Variants in TDP1 observed in about 807,000 individuals in gnomAD.
The protein encoded by TDP1 is tyrosyl-DNA phosphodiesterase 1.
TDP1 carries 64 observed loss-of-function variants against 81.5 expected under a neutral mutation model. The observed-to-expected ratio is 0.79, with a 90% CI of 0.64 to 0.97. TDP1 has a LOEUF of 0.97. TDP1 is among the 50% of genes least tolerant of loss of function. The pLI, the probability that TDP1 is intolerant of heterozygous loss-of-function variation, is 0.00. For synonymous variants in TDP1, 256 were observed against 264.3 expected (o/e 0.97, Z 0.30); for missense variants, 723 against 743.8 (o/e 0.97, Z 0.33).
At chr14:90,032,755 T>C (rs1269315701) in intron 15 of TDP1, 33 of 985,276 alleles carry the variant, frequency 3.3e-5, no homozygotes, top group Non-Finnish European at 4.0e-5. Context: ...TTTGAGGTAT[T>C]TTTATACAGT....
intron 5 of TDP1, 26 bp from the exon 6 acceptor site, chr14:89,971,149 A>G: frequency 6.3e-7 from 1 of 1,597,758 alleles, no homozygotes; most frequent in Non-Finnish European, 8.6e-7. Flanking sequence ...AATGATGTAT[A>G]TTAAATACTA....
At chr14:89,995,102 T>G (rs771353747) in intron 14 of TDP1, among the ~76,000 whole-genome samples, 1 of 152,264 alleles carries the variant, frequency 6.6e-6, no homozygotes, top group Non-Finnish European at 1.5e-5. Flanking sequence ...TTGTAAGAAT[T>G]TGAAATTTGT....
At chr14:90,013,396 A>T (rs1028719599) in intron 14 of TDP1, among the ~76,000 whole-genome samples, 4 of 152,038 alleles carry the variant, frequency 2.6e-5, no homozygotes, top group African/African-American at 9.7e-5. Context: ...TTTCCCAAGC[A>T]GTTCTCTTGA....
intron 14 of TDP1, among the ~76,000 whole-genome samples, chr14:90,012,706 C>T (rs1453715020): frequency 6.6e-6 from 1 of 152,034 alleles, no homozygotes; most frequent in African/African-American, 2.4e-5. Flanking sequence ...TACTGGGGCA[C>T]TGCCTAGTGG....
chr14:90,020,354 TCCTCCCTCCCTC>T (rs200030327), intron 15 of TDP1, among the ~76,000 whole-genome samples: 1 of 128,322 alleles, frequency 7.8e-6, no homozygotes, highest in Non-Finnish European at 1.5e-5. Flanking sequence ...CTTCCTCCCT[TCCTCCCTCCCTC>T]CCTCCCTCCC....
chr14:90,027,202 G>C (rs1255490416), intron 15 of TDP1, among the ~76,000 whole-genome samples: 2 of 152,008 alleles, frequency 1.3e-5, no homozygotes, highest in African/African-American at 2.4e-5. Flanking sequence ...CCATTTCTCT[G>C]ATGGCCAGTG....
intron 2 of TDP1, among the ~76,000 whole-genome samples, chr14:89,959,512 A>G (rs573065018): frequency 2.0e-5 from 3 of 152,322 alleles, no homozygotes; most frequent in Non-Finnish European, 2.9e-5. Flanking sequence ...AACAAGACAC[A>G]ATTTTATTAG....
At chr14:89,970,101 C>A (rs989863920) in intron 5 of TDP1, among the ~76,000 whole-genome samples, 1 of 151,860 alleles carries the variant, frequency 6.6e-6, no homozygotes, top group African/African-American at 2.4e-5. Flanking sequence ...TGGTCTCGAT[C>A]TCCTGACCTC....
In TDP1 at chr14:89,961,573, T is replaced by TA. The variant is rs535475534; in HGVS notation, c.-7-1534dup. On this transcript the variant is annotated intron_variant, in intron 2 of 16. Coordinates refer to ENST00000335725, the MANE Select transcript of TDP1 (RefSeq NM_018319.4). ...GTCACAGAATCTATTCTGCCAGTCT[T>TA]ACGATCTCTGGTCAGTTGTGTTTAA... 2.1e-3 allele frequency among the ~76,000 whole-genome samples: 318 copies of TA among 152,302 alleles called. 2 individuals carry two copies. The highest frequency in any genetic ancestry group is 7.2e-3 in the African/African-American group (300 of 41,564).
rs528694737 is a variant in TDP1, at chr14:89,975,232, C to T, written c.757-549C>T. Reference sequence around the variant, plus strand: ...CTGGGACTACAGGCGCTGGCCACCACGCCTGGCAAATTTTTTCATATTTTT... The same window carrying T: ...CTGGGACTACAGGCGCTGGCCACCATGCCTGGCAAATTTTTTCATATTTTT... On this transcript the variant is annotated intron_variant, in intron 6 of 16. Coordinates refer to ENST00000335725, the MANE Select transcript of TDP1 (RefSeq NM_018319.4). Among the ~76,000 whole-genome samples the T allele has an allele frequency of 9.3e-4, 142 of 152,254 alleles. 1 individual carries two copies. The highest frequency in any genetic ancestry group is 3.2e-3 in the African/African-American group (132 of 41,538).
At chr14:90,003,292 C>T (rs150565383) in intron 14 of TDP1, among the ~76,000 whole-genome samples, 39 of 152,272 alleles carry the variant, frequency 2.6e-4, no homozygotes, top group African/African-American at 8.2e-4. Context: ...GGACAAGTAC[C>T]GTCAGCCAGA....
rs561049077 is a variant in TDP1, at chr14:89,971,960, T to C, written c.756+689T>C. 3.9e-5 allele frequency among the ~76,000 whole-genome samples: 6 copies of C among 152,156 alleles called. No individual in the cohort carries two copies. The South Asian group carries it at 6.2e-4, about 16-fold the overall frequency. On this transcript the variant is annotated intron_variant, in intron 6 of 16. Coordinates refer to ENST00000335725, the MANE Select transcript of TDP1 (RefSeq NM_018319.4). ...CTAAGGTCTAAACAGGAGAGACCCATAGATTAAAAAACTGTTAGGAAACTA... is the reference window on the plus strand; with the variant it reads ...CTAAGGTCTAAACAGGAGAGACCCACAGATTAAAAAACTGTTAGGAAACTA...
Position 89,993,486 on chromosome 14 carries a change from A to G in TDP1, c.1541+3A>G. ...ATTGCTTGGTTCCTTGTCACAAGGT[A>G]AATAGTCCTTACATTCCTGATGGGA... On this transcript the variant is annotated splice_donor_region_variant and intron_variant, in intron 14 of 16. Transcript: ENST00000335725. 2 of 1,612,332 alleles carry G rather than the reference A, an allele frequency of 1.2e-6. No individual in the cohort carries two copies. The highest frequency in any genetic ancestry group is 2.2e-5 in the East Asian group (1 of 44,842).
chr14:89,963,955 T>C (rs1468710572), intron 3 of TDP1, among the ~76,000 whole-genome samples: 1 of 152,144 alleles, frequency 6.6e-6, no homozygotes, highest in Non-Finnish European at 1.5e-5. Context: ...GCTTGATGAG[T>C]AACAGTTTAT....
At chr14:89,964,132 C>T (rs1298733384) in intron 3 of TDP1, among the ~76,000 whole-genome samples, 1 of 152,112 alleles carries the variant, frequency 6.6e-6, no homozygotes, top group Admixed American at 6.5e-5. Context: ...TTTCACGAGC[C>T]CTTGAGGGGA....
At chr14:90,034,652 T>A (rs957812984) in intron 16 of TDP1, among the ~76,000 whole-genome samples, 22 of 152,128 alleles carry the variant, frequency 1.4e-4, no homozygotes, top group African/African-American at 5.1e-4. Flanking sequence ...AAATGGCAAA[T>A]TACATCACCA....
intron 7 of TDP1, chr14:89,980,094 G>C: frequency 1.1e-6 from 1 of 921,280 alleles, no homozygotes; most frequent in Non-Finnish European, 1.3e-6. Context: ...AAAATTTCAT[G>C]AACCAGTAAT....
At chr14:90,004,795 G>A (rs1897511173) in intron 14 of TDP1, among the ~76,000 whole-genome samples, 1 of 152,172 alleles carries the variant, frequency 6.6e-6, no homozygotes, top group Non-Finnish European at 1.5e-5. Flanking sequence ...GAGAAGGAAG[G>A]GAGGAAGTAG....
intron 15 of TDP1, chr14:90,032,693 T>G: frequency 2.1e-6 from 2 of 971,798 alleles, no homozygotes; most frequent in Non-Finnish European, 1.2e-6. Flanking sequence ...GAAAGCAGCT[T>G]TTATTTCTTC....
Sources: allele counts gnomAD v4.1 joint callset (sites outside exome capture counted in the v4.1 genomes callset), GRCh38; gene constraint gnomAD v4.1.1; transcripts MANE v1.5; gene names NCBI Gene and HGNC (gene_info 2026-07-23, HGNC 2026-07-21).